Variants in GAP43 observed in about 807,000 individuals in gnomAD.
GAP43 encodes growth associated protein 43, also known as neuromodulin.
A neutral mutation model predicts 18.6 loss-of-function variants in GAP43; 6 were observed. The observed-to-expected ratio is 0.32, with a 90% CI of 0.18 to 0.64. The LOEUF is 0.64. GAP43 is among the 30% of genes least tolerant of loss of function. The pLI is 0.78. For synonymous variants in GAP43, 115 were observed against 111.4 expected (o/e 1.03, Z -0.20); for missense variants, 292 against 295.5 (o/e 0.99, Z 0.09).
Position 115,720,808 on chromosome 3 carries a change from A to G in GAP43, c.643A>G (p.Thr215Ala). 6.2e-7 allele frequency: 1 copy of G among 1,612,986 alleles called. No individual in the cohort carries two copies. The highest frequency in any genetic ancestry group is 8.5e-7 in the Non-Finnish European group (1 of 1,179,234). ...AEENIEAVDE[T>A]KPKESARQDE... ...TTCTTTCTCAGAAGCTGTAGATGAA[A>G]CCAAACCTAAGGAAAGTGCCCGGCA... The change falls in exon 3 of 3, where the codon ACC (threonine) becomes GCC (alanine). Residue 215 changes from threonine (T) to alanine (A), a missense_variant. Coordinates refer to ENST00000305124, the MANE Select transcript of GAP43 (RefSeq NM_002045.4).
At chr3:115,683,139 GCGCGCGCGCACACA>G (rs1254928044) in intron 2 of GAP43, among the ~76,000 whole-genome samples, 185 of 126,184 alleles carry the variant, frequency 1.5e-3, no homozygotes, top group African/African-American at 5.4e-3. Flanking sequence ...GCGCGTGCGC[GCGCGCGCGCACACA>G]CACACACACA....
Position 115,676,584 on chromosome 3 carries a change from A to G in GAP43, c.602A>G (p.Glu201Gly), listed in dbSNP as rs1351228691. 1.2e-6 allele frequency: 2 copies of G among 1,606,850 alleles called. No individual in the cohort carries two copies. The highest frequency in any genetic ancestry group is 8.5e-7 in the Non-Finnish European group (1 of 1,178,152). Reference protein sequence around the residue: ...ATAQPPTETGESSQAEENIEA... With the variant: ...ATAQPPTETGGSSQAEENIEA... ...GCCCAGCCTCCAACGGAGACTGGGGAGAGCAGCCAAGCTGAAGAGAACATA... is the reference window on the plus strand; with the variant it reads ...GCCCAGCCTCCAACGGAGACTGGGGGGAGCAGCCAAGCTGAAGAGAACATA... Residue 201 changes from glutamate to glycine, a missense_variant, in exon 2 of 3, where the codon GAG becomes GGG. Physicochemically the swap from Glu to Gly is moderately conservative, Grantham distance 98 (BLOSUM62 -2). Transcript: ENST00000305124.
At position 115,674,035 on chromosome 3, in the gene GAP43, C is replaced by A. The variant is rs147597433; in HGVS notation, c.31-1978C>A. 2.0e-5 allele frequency among the ~76,000 whole-genome samples: 3 copies of A among 152,224 alleles called. No homozygotes were observed. In the East Asian group the frequency reaches 5.8e-4, roughly 29 times the overall value. ...GCTTGTCCAAAGAATGTCTAACAGC[C>A]CCACATCATGATTAGCAGGAGCTGG... On this transcript the variant is annotated intron_variant, in intron 1 of 2. Transcript: ENST00000305124.
chr3:115,645,648 C>T (rs1441313652), intron 1 of GAP43, among the ~76,000 whole-genome samples: 2 of 151,730 alleles, frequency 1.3e-5, no homozygotes, highest in South Asian at 4.2e-4. Context: ...GTCCCCAAAC[C>T]CCTTAATATA....
At chr3:115,628,348 T>C (rs577632287) in intron 1 of GAP43, among the ~76,000 whole-genome samples, 1 of 152,080 alleles carries the variant, frequency 6.6e-6, no homozygotes, top group Admixed American at 6.6e-5. Context: ...TTTTGCCTCA[T>C]CTATCTTAAA....
chr3:115,678,712 A>G (rs1478882480), intron 2 of GAP43, among the ~76,000 whole-genome samples: 1 of 152,146 alleles, frequency 6.6e-6, no homozygotes, highest in Non-Finnish European at 1.5e-5. Context: ...ATTCTGACAG[A>G]AAAATATCTT....
intron 1 of GAP43, chr3:115,663,445 A>C (rs773908873): frequency 2.8e-5 from 24 of 857,534 alleles, no homozygotes; most frequent in Non-Finnish European, 3.5e-5. Context: ...ATAGTTCCTG[A>C]CCTGATGCCC....
At chr3:115,688,389 T>G (rs1478906838) in intron 2 of GAP43, among the ~76,000 whole-genome samples, 1 of 152,224 alleles carries the variant, frequency 6.6e-6, no homozygotes, top group Non-Finnish European at 1.5e-5. Flanking sequence ...CAGTAATATT[T>G]TTTAGTTATA....
intron 1 of GAP43, among the ~76,000 whole-genome samples, chr3:115,652,974 A>G (rs1273876019): frequency 6.6e-6 from 1 of 152,208 alleles, no homozygotes; most frequent in African/African-American, 2.4e-5. Flanking sequence ...TGAAAGAGGA[A>G]GTTACCAGCC....
intron 2 of GAP43, among the ~76,000 whole-genome samples, chr3:115,698,199 TATATA>T (rs1709239535): frequency 2.0e-4 from 2 of 10,080 alleles, no homozygotes; most frequent in African/African-American, 6.4e-4. Context: ...AAATATATAT[TATATA>T]TTATATAAAA....
intron 2 of GAP43, among the ~76,000 whole-genome samples, chr3:115,694,786 C>G (rs1305315177): frequency 1.3e-5 from 2 of 152,134 alleles, no homozygotes; most frequent in Non-Finnish European, 2.9e-5. Flanking sequence ...TTGTGCTATC[C>G]AGTGTTAATT....
At chr3:115,710,301 G>A (rs772625523) in intron 2 of GAP43, among the ~76,000 whole-genome samples, 1 of 151,636 alleles carries the variant, frequency 6.6e-6, no homozygotes, top group African/African-American at 2.4e-5. Context: ...CCTTGACCTA[G>A]TTTTTACTGT....
chr3:115,649,536 A>G (rs1359967663), intron 1 of GAP43, among the ~76,000 whole-genome samples: 1 of 152,138 alleles, frequency 6.6e-6, no homozygotes, highest in Non-Finnish European at 1.5e-5. Context: ...TCAATGTGAC[A>G]GTAAAGAAGG....
rs766486931 is a variant in GAP43 at position 115,676,455 on chromosome 3, A to G, written c.473A>G (p.Asp158Gly). 2 of 1,614,096 alleles carry G rather than the reference A, an allele frequency of 1.2e-6. No individual in the cohort carries two copies. Among genetic ancestry groups the G allele is most frequent in the Non-Finnish European group, 1.7e-6 (2 of 1,180,018 alleles). The change falls in exon 2 of 3, where the codon GAT (aspartate) becomes GGT (glycine). Residue 158 changes from aspartate to glycine, a missense_variant. Coordinates refer to ENST00000305124, the MANE Select transcript of GAP43 (RefSeq NM_002045.4). ...TDNSPSSKAE[D>G]APAKEEPKQA... ...AACTCGCCGTCCTCCAAGGCTGAAG[A>G]TGCCCCAGCCAAGGAGGAGCCTAAA...
chr3:115,663,966 T>C, intron 1 of GAP43: 1 of 1,520,106 alleles, frequency 6.6e-7, no homozygotes, highest in Non-Finnish European at 8.9e-7. Flanking sequence ...GTTAAAACCC[T>C]GACTCTGCCA....
Position 115,676,364 on chromosome 3 carries a change from C to T in GAP43, c.382C>T (p.Pro128Ser), listed in dbSNP as rs1282966176. Residue 128 changes from proline (P) to serine (S), a missense_variant, in exon 2 of 3, where the codon CCT (proline) becomes TCT (serine). By Grantham distance (74) the Pro-to-Ser change is moderately conservative. Transcript: ENST00000305124. ...AATEQAAPQAPASSEEKAGSA... is the reference protein window; with the variant it reads ...AATEQAAPQASASSEEKAGSA... ...CACAGAGCAGGCAGCCCCCCAGGCT[C>T]CTGCATCCTCAGAGGAGAAGGCCGG... 3.1e-6 allele frequency: 5 copies of T among 1,613,996 alleles called. No homozygotes were observed.
At chr3:115,627,872 G>T (rs1051411648) in intron 1 of GAP43, among the ~76,000 whole-genome samples, 5 of 152,134 alleles carry the variant, frequency 3.3e-5, no homozygotes, top group Admixed American at 2.6e-4. Flanking sequence ...TTTCAGAAGT[G>T]TTGGGAAGAA....
At position 115,720,857 on chromosome 3, in the gene GAP43, C is replaced by A; in HGVS notation, c.692C>A (p.Pro231His). 6.2e-7 allele frequency: 1 copy of A among 1,612,656 alleles called. No individual in the cohort carries two copies. The highest frequency in any genetic ancestry group is 1.1e-5 in the South Asian group (1 of 91,036). Residue 231 changes from proline to histidine, a missense_variant, in exon 3 of 3, where the codon CCT (proline) becomes CAT (histidine). Coordinates refer to ENST00000305124, the MANE Select transcript of GAP43 (RefSeq NM_002045.4). ...ARQDEGKEEE[P>H]EADQEHA ...CAGGACGAGGGTAAAGAAGAGGAAC[C>A]TGAGGCTGACCAAGAACATGCCTGA...
chr3:115,697,069 C>T (rs1157732884), intron 2 of GAP43, among the ~76,000 whole-genome samples: 1 of 151,970 alleles, frequency 6.6e-6, no homozygotes, highest in Non-Finnish European at 1.5e-5. Context: ...AAACTCCTGA[C>T]CTCAAGTGAT....
Sources: gnomAD v4.1 joint callset for allele counts (sites outside exome capture counted in the v4.1 genomes callset) on GRCh38, gnomAD v4.1.1 for gene constraint, MANE v1.5 for transcripts, NCBI Gene and HGNC (gene_info 2026-07-23, HGNC 2026-07-21) for gene names.